The following ACOX3 variants were observed in gnomAD, a reference collection of about 807,000 sequenced individuals.
ACOX3 encodes peroxisomal acyl-coenzyme A oxidase 3.
In ACOX3, 73 loss-of-function variants were observed where a neutral mutation model predicts 81.5. The ratio of observed to expected loss-of-function variants is 0.90; its 90% CI spans 0.74 to 1.09. ACOX3 has a LOEUF of 1.09. Ranked by LOEUF, ACOX3 falls within the 50% of genes least tolerant of loss-of-function variation. ACOX3 has a pLI of 0.00. For missense variants in ACOX3, 947 were observed against 928.0 expected (o/e 1.02, Z -0.27); for synonymous variants, 387 against 375.1 (o/e 1.03, Z -0.37).
At chr4:8,373,162 C>T (rs1716445734) in intron 16 of ACOX3, among the ~76,000 whole-genome samples, 1 of 152,208 alleles carries the variant, frequency 6.6e-6, no homozygotes, top group South Asian at 2.1e-4. Flanking sequence ...CTCAAAGTAG[C>T]TGCAAAAGGT....
chr4:8,379,655 AG>A (rs1358513275), intron 14 of ACOX3, among the ~76,000 whole-genome samples: 2 of 152,290 alleles, frequency 1.3e-5, no homozygotes, highest in African/African-American at 4.8e-5. Flanking sequence ...CGGGGCTGGA[AG>A]GGGGTGCTAA....
At chr4:8,391,773 G>A (rs1430085851) in intron 11 of ACOX3, among the ~76,000 whole-genome samples, 1 of 152,196 alleles carries the variant, frequency 6.6e-6, no homozygotes, top group African/African-American at 2.4e-5. Flanking sequence ...TTACCAGGCT[G>A]TTAGATGGAG....
chr4:8,399,511 G>A lies in ACOX3; in HGVS notation c.873+45C>T. 6.6e-7 allele frequency: 1 copy of A among 1,521,004 alleles called. No individual in the cohort carries two copies. Among genetic ancestry groups the A allele is most frequent in the Non-Finnish European group, 9.1e-7 (1 of 1,097,066 alleles). The allele number at this position is 1,521,004 out of a possible 1,614,324, so 94.2% of individuals were successfully genotyped here. On this transcript the variant is annotated intron_variant, in intron 8 of 17. Transcript: ENST00000356406. The surrounding 1 kb of genome is among the most constrained non-coding windows in gnomAD (Gnocchi z 4.9). ...CACAGAGCCAGGCCCTGCAGAGGAA[G>A]GCACCTGGGAAGCACGGCACACGAA...
chr4:8,357,137 G>T, the ACOX3 span: 2 of 454,530 alleles, frequency 4.4e-6, no homozygotes, highest in Non-Finnish European at 4.4e-6. Context: ...AGATGATCCC[G>T]GCAGGTGAGG....
chr4:8,420,825 T>G (rs1722861779), intron 1 of ACOX3, among the ~76,000 whole-genome samples: 1 of 152,172 alleles, frequency 6.6e-6, no homozygotes, highest in Non-Finnish European at 1.5e-5. Context: ...CCACTGAGCT[T>G]CTGATCCAGT....
In ACOX3 at chr4:8,416,145, C is replaced by A. The variant is rs760157122; in HGVS notation, c.145-146G>T. On this transcript the variant is annotated intron_variant, in intron 2 of 17. Coordinates refer to ENST00000356406, the MANE Select transcript of ACOX3 (RefSeq NM_003501.3). The surrounding 1 kb of genome is among the most constrained non-coding windows in gnomAD (Gnocchi z 4.2). Reference sequence around the variant, plus strand: ...CAGACAGAGATATGACTATCATTCCCAATGGACTAGAGGACTGGAGGCTTA... The same window carrying A: ...CAGACAGAGATATGACTATCATTCCAAATGGACTAGAGGACTGGAGGCTTA... 4.0e-6 allele frequency: 4 copies of A among 997,648 alleles called. No homozygotes were observed. Among genetic ancestry groups the A allele is most frequent in the Non-Finnish European group, 4.5e-6 (3 of 670,592 alleles). 61.8% of individuals were successfully genotyped at this position (997,648 alleles called of 1,614,324 possible).
chr4:8,397,967 C>G (rs572157585), intron 8 of ACOX3, among the ~76,000 whole-genome samples: 32 of 152,342 alleles, frequency 2.1e-4, no homozygotes, highest in Middle Eastern at 6.8e-3. Flanking sequence ...TCAAGACCAG[C>G]CTGGCCAACA....
At chr4:8,397,233 C>T in intron 8 of ACOX3, 114 bp from the exon 9 acceptor site, 1 of 1,043,510 alleles carries the variant, frequency 9.6e-7, no homozygotes, top group Non-Finnish European at 1.3e-6. Context: ...CCTGTGCCCA[C>T]CTGCCCAGGC....
intron 15 of ACOX3, chr4:8,374,018 G>T (rs1716608160): frequency 4.0e-6 from 1 of 249,650 alleles, no homozygotes; most frequent in Non-Finnish European, 7.9e-6. Flanking sequence ...GGGGGCGCAG[G>T]GGCGAGGGGG....
At position 8,399,571 on chromosome 4, in the gene ACOX3, A is replaced by G. The variant is rs1720123636; in HGVS notation, c.858T>C (p.Tyr286=). The change falls in exon 8 of 18, where the codon TAT becomes TAC. Residue 286 remains tyrosine, a synonymous_variant. Coordinates refer to ENST00000356406, the MANE Select transcript of ACOX3 (RefSeq NM_003501.3). The surrounding 1 kb of genome is among the most constrained non-coding windows in gnomAD (Gnocchi z 4.9). The part of the protein sequence containing the change: ...RMGDVTPEGT[Y]VSPFKDVRQR... ...ATGCCTGTACCTTAAAGGGGCTGAC[A>G]TAGGTGCCCTCGGGGGTGACGTCTC... 4 of 1,613,882 alleles carry G rather than the reference A, an allele frequency of 2.5e-6. No homozygotes were observed. In the East Asian group the frequency reaches 8.9e-5, roughly 36 times the overall value.
At position 8,424,780 on chromosome 4, in the gene ACOX3, G is replaced by A. The variant is rs536596500; in HGVS notation, c.-14-8245C>T. Among the ~76,000 whole-genome samples, 55 of 152,314 alleles carry A rather than the reference G, an allele frequency of 3.6e-4. No homozygotes were observed. In the South Asian group the frequency reaches 0.011, roughly 32 times the overall value. ...TCAACAGGTGATTGCTCAAACCTACGCCGCTCGAGGGGACCTTCTAGAGGT... is the reference window on the plus strand; with the variant it reads ...TCAACAGGTGATTGCTCAAACCTACACCGCTCGAGGGGACCTTCTAGAGGT... On this transcript the variant is annotated intron_variant, in intron 1 of 17. Transcript: ENST00000356406.
At position 8,394,874 on chromosome 4, in the gene ACOX3, A is replaced by G. The variant is rs985976450; in HGVS notation, c.1057-132T>C. 2.5e-5 allele frequency: 31 copies of G among 1,239,564 alleles called. No individual in the cohort carries two copies. The East Asian group carries it at 5.8e-4, about 23-fold the overall frequency. The allele number at this position is 1,239,564 out of a possible 1,614,324, so 76.8% of individuals were successfully genotyped here. Reference sequence around the variant, plus strand: ...ACCCACTAGCGCTGAAGGTCTTCACATGTCTTCCCGGCACATCAGAAAGCC... The same window carrying G: ...ACCCACTAGCGCTGAAGGTCTTCACGTGTCTTCCCGGCACATCAGAAAGCC... On this transcript the variant is annotated intron_variant, in intron 9 of 17. Coordinates refer to ENST00000356406, the MANE Select transcript of ACOX3 (RefSeq NM_003501.3). This position sits in a 1 kb window ranked among gnomAD's most constrained non-coding sequence, Gnocchi z 5.9.
intron 14 of ACOX3, among the ~76,000 whole-genome samples, chr4:8,377,424 G>A (rs1029720405): frequency 7.2e-5 from 11 of 152,128 alleles, no homozygotes; most frequent in Non-Finnish European, 1.0e-4. Context: ...ATAATGCATC[G>A]CGAGTGCCAG....
chr4:8,395,383 CG>C, intron 9 of ACOX3, among the ~76,000 whole-genome samples: 1 of 51,012 alleles, frequency 2.0e-5, no homozygotes, highest in Middle Eastern at 0.015. Flanking sequence ...TGGGGGGATG[CG>C]TGGACAGGTG....
chr4:8,392,561 A>T (rs1719131093), intron 10 of ACOX3, 108 bp from the exon 11 acceptor site: 1 of 1,234,382 alleles, frequency 8.1e-7, no homozygotes, highest in African/African-American at 1.5e-5. Flanking sequence ...AGTCTAATAC[A>T]AGACATCCCG....
In ACOX3 at chr4:8,389,888, T is replaced by C. The variant is rs548439970; in HGVS notation, c.1301-154A>G. Among the ~76,000 whole-genome samples the C allele has an allele frequency of 6.6e-6, 1 of 152,196 alleles. No homozygotes were observed. Among genetic ancestry groups the C allele is most frequent in the East Asian group, 1.9e-4 (1 of 5,180 alleles). On this transcript the variant is annotated intron_variant, in intron 11 of 17. Transcript: ENST00000356406. The surrounding 1 kb of genome is among the most constrained non-coding windows in gnomAD (Gnocchi z 5.3). ...GGGGGGCCGAGGCGGGTGGATCACT[T>C]GAAGCCAGGTGTTCAAGACCAGCCT... is the stretch of plus-strand genomic sequence containing the variant.
chr4:8,392,577 G>C (rs578048742), intron 10 of ACOX3, 124 bp from the exon 11 acceptor site: 1 of 1,105,600 alleles, frequency 9.0e-7, no homozygotes, highest in African/African-American at 1.6e-5. Flanking sequence ...TCCCGAAAAT[G>C]ACAGAAGAGG....
rs369222749 is a variant in ACOX3, at chr4:8,414,986, C to T, written c.379-58G>A. The T allele has an allele frequency of 1.8e-4, 271 of 1,475,220 alleles. No individual in the cohort carries two copies. Among genetic ancestry groups the T allele is most frequent in the Non-Finnish European group, 2.2e-4 (236 of 1,053,836 alleles). 91.4% of individuals were successfully genotyped at this position (1,475,220 alleles called of 1,614,324 possible). A position where few individuals can be genotyped will look rare whatever the true frequency, so the allele number is the denominator to read the frequency against. ...GCAGGTAAGAAGAGTACTGCTCTTC[C>T]GGAACATCACAACAGACAACGGCAC... On this transcript the variant is annotated intron_variant, in intron 3 of 17. Coordinates refer to ENST00000356406, the MANE Select transcript of ACOX3 (RefSeq NM_003501.3). This position sits in a 1 kb window ranked among gnomAD's most constrained non-coding sequence, Gnocchi z 6.1.
chr4:8,394,956 A>G lies in ACOX3; in HGVS notation c.1057-214T>C, dbSNP rs1378099401. The G allele has an allele frequency of 1.9e-5, 10 of 522,522 alleles. No individual in the cohort carries two copies. Among genetic ancestry groups the G allele is most frequent in the South Asian group, 2.5e-5 (1 of 40,274 alleles). 32.4% of individuals were successfully genotyped at this position (522,522 alleles called of 1,614,324 possible). ...TCGGCTTTCACCCATAGCCCTTGAC[A>G]GACAAGCTCAAACGCAATTCGCTAA... On this transcript the variant is annotated intron_variant, in intron 9 of 17. Transcript: ENST00000356406. The surrounding 1 kb of genome is among the most constrained non-coding windows in gnomAD (Gnocchi z 5.9).
Sources: gnomAD v4.1 joint callset for allele counts (sites outside exome capture counted in the v4.1 genomes callset) on GRCh38, gnomAD v4.1.1 for gene constraint, Gnocchi (gnomAD v3.1) non-coding constraint, MANE v1.5 for transcripts, NCBI Gene and HGNC (gene_info 2026-07-23, HGNC 2026-07-21) for gene names.